Variants in SYNJ2BP observed in about 807,000 individuals in gnomAD.
SYNJ2BP encodes synaptojanin-2-binding protein.
Under a neutral mutation model 16.9 loss-of-function variants are expected in SYNJ2BP, and 10 were observed. That is an observed-to-expected ratio of 0.59 (90% CI 0.36 to 1.00). The LOEUF (loss-of-function observed/expected upper bound fraction) is 1.00, where lower values mean the gene tolerates loss of function less well. Among genes scored for constraint, SYNJ2BP ranks in the 50% least tolerant of loss-of-function variants. SYNJ2BP has a pLI of 0.01. For synonymous variants in SYNJ2BP, 54 were observed against 68.4 expected (o/e 0.79, Z 1.04); for missense variants, 162 against 186.7 (o/e 0.87, Z 0.77).
chr14:70,408,409 A>G (rs1888395795), intron 1 of SYNJ2BP, among the ~76,000 whole-genome samples: 1 of 152,136 alleles, frequency 6.6e-6, no homozygotes, highest in Admixed American at 6.5e-5. Context: ...GGTGGCTTAT[A>G]CCTGTAATCC....
At chr14:70,383,876 A>G (rs989217800) in intron 2 of SYNJ2BP, among the ~76,000 whole-genome samples, 1 of 152,142 alleles carries the variant, frequency 6.6e-6, no homozygotes, top group African/African-American at 2.4e-5. Flanking sequence ...GTCATTATTT[A>G]AGAAAATTTT....
At chr14:70,381,306 G>A (rs555290736) in intron 2 of SYNJ2BP, among the ~76,000 whole-genome samples, 55 of 152,260 alleles carry the variant, frequency 3.6e-4, no homozygotes, top group Admixed American at 3.6e-3. Flanking sequence ...AAGGCTAAAG[G>A]TATTCTAATT....
At chr14:70,412,589 T>TGTATGTATAGTATATATACAGTATATATA (rs1888507912) in intron 1 of SYNJ2BP, among the ~76,000 whole-genome samples, 1 of 148,786 alleles carries the variant, frequency 6.7e-6, no homozygotes, top group African/African-American at 2.5e-5. Context: ...AGTATATATA[T>TGTATGTATAGTATATATACAGTATATATA]GTATGTATAG....
intron 1 of SYNJ2BP, among the ~76,000 whole-genome samples, chr14:70,413,718 G>T (rs1477729393): frequency 1.3e-5 from 2 of 152,216 alleles, no homozygotes; most frequent in Non-Finnish European, 2.9e-5. Context: ...TCTTCACTCT[G>T]TTGTCATAAT....
chr14:70,405,724 A>T (rs1266780286), intron 1 of SYNJ2BP, among the ~76,000 whole-genome samples: 1 of 152,222 alleles, frequency 6.6e-6, no homozygotes, highest in Non-Finnish European at 1.5e-5. Context: ...CATTAACAAC[A>T]TACTGATGCA....
At chr14:70,380,523 G>A (rs1348448838) in intron 2 of SYNJ2BP, among the ~76,000 whole-genome samples, 5 of 151,824 alleles carry the variant, frequency 3.3e-5, no homozygotes, top group Non-Finnish European at 4.4e-5. Context: ...TAAGCTGGGC[G>A]TGGTGGCGCA....
chr14:70,384,120 T>C (rs1248030157), intron 2 of SYNJ2BP, among the ~76,000 whole-genome samples: 1 of 152,112 alleles, frequency 6.6e-6, no homozygotes, highest in Non-Finnish European at 1.5e-5. Context: ...AGCAAGATAA[T>C]ATGTGGGAAT....
At chr14:70,406,917 G>A (rs1199350019) in intron 1 of SYNJ2BP, among the ~76,000 whole-genome samples, 1 of 152,110 alleles carries the variant, frequency 6.6e-6, no homozygotes, top group Non-Finnish European at 1.5e-5. Flanking sequence ...TTTCTCTATT[G>A]CAATTCCCTT....
intron 1 of SYNJ2BP, among the ~76,000 whole-genome samples, chr14:70,399,067 G>A (rs570229151): frequency 1.7e-3 from 260 of 152,176 alleles, no homozygotes; most frequent in Non-Finnish European, 2.9e-3. Flanking sequence ...CAAGGTGCAA[G>A]AACCCACTGC....
chr14:70,386,066 C>G (rs1887852810), intron 2 of SYNJ2BP, among the ~76,000 whole-genome samples: 1 of 152,230 alleles, frequency 6.6e-6, no homozygotes, highest in South Asian at 2.1e-4. Flanking sequence ...TCTTCTTTCT[C>G]TTCTTAACTC....
intron 1 of SYNJ2BP, among the ~76,000 whole-genome samples, chr14:70,403,610 G>A (rs1888286459): frequency 6.6e-6 from 1 of 152,164 alleles, no homozygotes; most frequent in East Asian, 1.9e-4. Context: ...AAATGCCATG[G>A]CAATGTCAGG....
At chr14:70,388,408 A>C in intron 2 of SYNJ2BP, 62 bp downstream of exon 2, 3 of 1,414,328 alleles carry the variant, frequency 2.1e-6, no homozygotes, top group Non-Finnish European at 2.8e-6. Context: ...AGGGATAGGG[A>C]GGGGTAGGAC....
intron 1 of SYNJ2BP, among the ~76,000 whole-genome samples, chr14:70,397,548 G>A (rs116774740): frequency 0.01 from 1,556 of 152,220 alleles, 21 homozygotes; most frequent in African/African-American, 0.035. Context: ...TCCAGGTGCT[G>A]GCTCTCTGCA....
intron 1 of SYNJ2BP, among the ~76,000 whole-genome samples, chr14:70,406,184 C>A (rs1325565746): frequency 1.3e-5 from 2 of 152,194 alleles, no homozygotes; most frequent in African/African-American, 4.8e-5. Flanking sequence ...CCACCACACA[C>A]ACACACCAGG....
At chr14:70,404,592 A>C (rs1321754274) in intron 1 of SYNJ2BP, among the ~76,000 whole-genome samples, 2 of 152,214 alleles carry the variant, frequency 1.3e-5, no homozygotes, top group Non-Finnish European at 2.9e-5. Context: ...TTCTATCTAC[A>C]AATACTGGTA....
intron 2 of SYNJ2BP, among the ~76,000 whole-genome samples, chr14:70,385,042 C>G (rs1486993814): frequency 6.6e-6 from 1 of 152,104 alleles, no homozygotes; most frequent in Non-Finnish European, 1.5e-5. Flanking sequence ...TGTAACATAT[C>G]TTTGTAATAT....
At chr14:70,387,620 A>T (rs145591981) in intron 2 of SYNJ2BP, among the ~76,000 whole-genome samples, 2,284 of 152,248 alleles carry the variant, frequency 0.015, 41 homozygotes, top group Middle Eastern at 0.061. Flanking sequence ...TCATGAGGTC[A>T]GGAGTTCGAG....
At chr14:70,391,183 A>C (rs1887973796) in intron 1 of SYNJ2BP, among the ~76,000 whole-genome samples, 1 of 152,190 alleles carries the variant, frequency 6.6e-6, no homozygotes, top group Admixed American at 6.5e-5. Flanking sequence ...CTGCAGCTAG[A>C]TAATAGAAAG....
At chr14:70,378,424 C>CTTTTT (rs34309608) in intron 2 of SYNJ2BP, among the ~76,000 whole-genome samples, 12 of 110,136 alleles carry the variant, frequency 1.1e-4, no homozygotes, top group African/African-American at 1.5e-4. Flanking sequence ...TTCCTTCAAA[C>CTTTTT]TTTTTTTTTT....
Sources: allele counts gnomAD v4.1 joint callset (sites outside exome capture counted in the v4.1 genomes callset), GRCh38; gene constraint gnomAD v4.1.1; transcripts MANE v1.5; gene names NCBI Gene and HGNC (gene_info 2026-07-23, HGNC 2026-07-21).